Variants in ABCB5 observed in about 807,000 individuals in gnomAD.
The protein encoded by ABCB5 is ATP binding cassette subfamily B member 5, also known as ATP-binding cassette sub-family B member 5.
A neutral mutation model predicts 144.2 loss-of-function variants in ABCB5; 155 were observed. The observed-to-expected ratio is 1.08, with a 90% CI of 0.94 to 1.23. ABCB5 has a LOEUF of 1.23. ABCB5 is among the 50% of genes most tolerant of loss of function. The pLI is 0.00. For missense variants in ABCB5, 1,830 were observed against 1,520.8 expected (o/e 1.20, Z -3.38); for synonymous variants, 610 against 528.6 (o/e 1.15, Z -2.11).
intron 26 of ABCB5, among the ~76,000 whole-genome samples, chr7:20,747,276 T>C (rs1049197668): frequency 6.6e-6 from 1 of 152,220 alleles, no homozygotes; most frequent in Non-Finnish European, 1.5e-5. Flanking sequence ...TTAACTTTTA[T>C]TCTTTTTCCT....
At chr7:20,642,098 G>T (rs1339651141) in intron 5 of ABCB5, 2 of 152,212 alleles carry the variant, frequency 1.3e-5, no homozygotes, top group Non-Finnish European at 2.9e-5. Flanking sequence ...GTTCTCCACA[G>T]AGAAGCTGGA....
chr7:20,645,745 G>A lies in ABCB5; in HGVS notation c.679-11G>A. The A allele has an allele frequency of 4.3e-6, 7 of 1,613,406 alleles. No individual in the cohort carries two copies. Among genetic ancestry groups the A allele is most frequent in the South Asian group, 1.1e-5 (1 of 90,974 alleles). ...GAGTCATTTTTTAACTGTGGTTGTGGTTTATTACAGATGGTCATCTCATTG... is the reference window on the plus strand; with the variant it reads ...GAGTCATTTTTTAACTGTGGTTGTGATTTATTACAGATGGTCATCTCATTG... On this transcript the variant is annotated splice_polypyrimidine_tract_variant and intron_variant, in intron 7 of 27. Transcript: ENST00000404938.
intron 20 of ABCB5, among the ~76,000 whole-genome samples, chr7:20,714,124 T>A (rs141071231): frequency 4.6e-5 from 7 of 152,136 alleles, no homozygotes; most frequent in Non-Finnish European, 1.0e-4. Context: ...TATTTTTTGT[T>A]TGGTTTTAGA....
intron 14 of ABCB5, chr7:20,659,779 GT>G: frequency 1.0e-6 from 1 of 984,110 alleles, no homozygotes; most frequent in Non-Finnish European, 1.2e-6. Context: ...TGCCCACTGT[GT>G]TCAAGCGATT....
rs77572175 is a variant in ABCB5 at position 20,707,057 on chromosome 7, A to G, written c.2421+2250A>G. Among the ~76,000 whole-genome samples, 164 of 152,320 alleles carry G rather than the reference A, an allele frequency of 1.1e-3. 5 individuals are homozygous for G. In the East Asian group the frequency reaches 0.025, roughly 23 times the overall value. ...CAAATGAATTCTTCCTCACAAGGAC[A>G]CTGTAGCATAAAGATGAGCTAGGAA... On this transcript the variant is annotated intron_variant, in intron 20 of 27. Coordinates refer to ENST00000404938, the MANE Select transcript of ABCB5 (RefSeq NM_001163941.2).
At chr7:20,724,649 A>G (rs10230270) in intron 21 of ABCB5, among the ~76,000 whole-genome samples, 60,578 of 139,078 alleles carry the variant, frequency 0.44, 15,136 homozygotes, top group East Asian at 0.72. Context: ...AAAAAAAAAA[A>G]GGGTGTTCCT....
intron 1 of ABCB5, among the ~76,000 whole-genome samples, chr7:20,620,945 A>G (rs1056156937): frequency 3.9e-5 from 6 of 152,162 alleles, no homozygotes; most frequent in African/African-American, 9.6e-5. Flanking sequence ...TTCTATGCCA[A>G]TGTTCACAGA....
intron 13 of ABCB5, among the ~76,000 whole-genome samples, chr7:20,653,972 C>A (rs1478993488): frequency 6.6e-6 from 1 of 152,164 alleles, no homozygotes; most frequent in African/African-American, 2.4e-5. Context: ...GAGTCAGGAC[C>A]ACACCTTAGA....
At chr7:20,754,754 A>G (rs2128058461) in intron 27 of ABCB5, among the ~76,000 whole-genome samples, 1 of 152,336 alleles carries the variant, frequency 6.6e-6, no homozygotes, top group East Asian at 1.9e-4. Context: ...TACTCAAAGA[A>G]ATGATAGTAG....
rs1380159808 is a variant in ABCB5, at chr7:20,620,542, C to G, written c.-21-2723C>G. ...ATATATAAAGAACACCTACAACTTA[C>G]TATAAAAAAAAACCAAAAACCTAAT... On this transcript the variant is annotated intron_variant, in intron 1 of 27. Coordinates refer to ENST00000404938, the MANE Select transcript of ABCB5 (RefSeq NM_001163941.2). 2.7e-5 allele frequency among the ~76,000 whole-genome samples: 4 copies of G among 150,520 alleles called. No homozygotes were observed. In the South Asian group the frequency reaches 8.3e-4, roughly 31 times the overall value.
intron 14 of ABCB5, among the ~76,000 whole-genome samples, chr7:20,677,604 C>T (rs1243407356): frequency 6.6e-6 from 1 of 152,130 alleles, no homozygotes; most frequent in African/African-American, 2.4e-5. Context: ...TGGTGCACGC[C>T]TGTAATTCCA....
chr7:20,692,928 G>A (rs902537158), intron 16 of ABCB5, among the ~76,000 whole-genome samples: 19 of 152,112 alleles, frequency 1.2e-4, no homozygotes, highest in Non-Finnish European at 2.4e-4. Flanking sequence ...TGTATTCAGA[G>A]ATTTCAACAC....
rs192048331 is a variant in ABCB5 at position 20,694,498 on chromosome 7, G to A, written c.2011-3909G>A. The stretch of plus-strand genomic sequence containing the variant: ...ATAAAAGGCAGCTACAAAAAACAAC[G>A]GCTAACATCATACTAAATGGTGAAA... On this transcript the variant is annotated intron_variant, in intron 16 of 27. Transcript: ENST00000404938. Among the ~76,000 whole-genome samples, 25 of 152,068 alleles carry A rather than the reference G, an allele frequency of 1.6e-4. No homozygotes were observed. In the East Asian group the frequency reaches 3.3e-3, roughly 20 times the overall value.
chr7:20,648,859 T>C lies in ABCB5; in HGVS notation c.1206+781T>C, dbSNP rs552265176. On this transcript the variant is annotated intron_variant, in intron 11 of 27. Coordinates refer to ENST00000404938, the MANE Select transcript of ABCB5 (RefSeq NM_001163941.2). The stretch of plus-strand genomic sequence containing the variant: ...TTCTCTTTTCAAAGCTCTTTAGTTT[T>C]GAAAGTTGTTACTTAATTACCGATT... Among the ~76,000 whole-genome samples, 3 of 152,380 alleles carry C rather than the reference T, an allele frequency of 2.0e-5. No individual in the cohort carries two copies. In the South Asian group the frequency reaches 6.2e-4, roughly 32 times the overall value.
chr7:20,749,395 A>ATTT (rs34687757), intron 26 of ABCB5, among the ~76,000 whole-genome samples: 869 of 81,924 alleles, frequency 0.011, 78 homozygotes, highest in African/African-American at 0.033. Flanking sequence ...TGCCTGCCTA[A>ATTT]TTTTTTTTTT....
rs28896895 is a variant in ABCB5 at position 20,717,748 on chromosome 7, T to C, written c.2422-5268T>C. ...CACCGCACCTGGCCCAAATTTCCTC[T>C]TCTTACAAGAATATCTATCAGGTTA... On this transcript the variant is annotated intron_variant, in intron 20 of 27. Transcript: ENST00000404938. Among the ~76,000 whole-genome samples, 1,191 of 150,772 alleles carry C rather than the reference T, an allele frequency of 7.9e-3. 18 individuals carry two copies. Among genetic ancestry groups the C allele is most frequent in the Middle Eastern group, 0.031 (9 of 288 alleles).
At chr7:20,642,175 TCTC>T (rs987978481) in intron 5 of ABCB5, among the ~76,000 whole-genome samples, 2 of 152,106 alleles carry the variant, frequency 1.3e-5, no homozygotes, top group African/African-American at 4.8e-5. Flanking sequence ...ATCTTCTGCT[TCTC>T]CTGGAATAAA....
intron 26 of ABCB5, among the ~76,000 whole-genome samples, chr7:20,746,486 C>T (rs542658377): frequency 6.6e-6 from 1 of 152,228 alleles, no homozygotes; most frequent in Non-Finnish European, 1.5e-5. Flanking sequence ...CTCACCAGTC[C>T]TATCCCCTAT....
At chr7:20,670,978 A>G (rs893525731) in intron 14 of ABCB5, among the ~76,000 whole-genome samples, 5 of 152,236 alleles carry the variant, frequency 3.3e-5, no homozygotes, top group African/African-American at 1.2e-4. Context: ...TCAGTCACTC[A>G]TTAGTTTAAT....
Sources: allele counts gnomAD v4.1 joint callset (sites outside exome capture counted in the v4.1 genomes callset), GRCh38; gene constraint gnomAD v4.1.1; transcripts MANE v1.5; gene names NCBI Gene and HGNC (gene_info 2026-07-23, HGNC 2026-07-21).